CCDC3: variants seen among roughly 807,000 people sequenced by gnomAD.
The protein encoded by CCDC3 is coiled-coil domain containing 3.
In CCDC3, 24 loss-of-function variants were observed where a neutral mutation model predicts 21.4. The ratio of observed to expected loss-of-function variants is 1.12; its 90% CI spans 0.81 to 1.58. The LOEUF (loss-of-function observed/expected upper bound fraction) is 1.58. Among genes scored for constraint, CCDC3 ranks in the 40% most tolerant of loss-of-function variants. The probability of loss-of-function intolerance (pLI) is 0.00; values close to 1 mark genes in which losing one functional copy is unlikely to be tolerated. For synonymous variants in CCDC3, 186 were observed against 166.0 expected (o/e 1.12, Z -0.93); for missense variants, 425 against 360.9 (o/e 1.18, Z -1.44).
intron 3 of CCDC3, among the ~76,000 whole-genome samples, chr10:13,090,067 A>ACCGTTTCTTTCTTTT (rs1372347475): frequency 2.1e-5 from 1 of 47,760 alleles, no homozygotes; most frequent in Non-Finnish European, 4.3e-5. Flanking sequence ...ATATATATAT[A>ACCGTTTCTTTCTTTT]TATATATATA....
intron 2 of CCDC3, among the ~76,000 whole-genome samples, chr10:12,919,360 C>T (rs909016653): frequency 6.6e-6 from 1 of 152,090 alleles, no homozygotes; most frequent in Admixed American, 6.5e-5. Context: ...GAGGCTGAGG[C>T]CGGCGGATCA....
upstream of CCDC3, among the ~76,000 whole-genome samples, chr10:13,002,182 G>T (rs1305703251): frequency 1.3e-5 from 2 of 152,136 alleles, no homozygotes; most frequent in African/African-American, 4.8e-5. Flanking sequence ...TCTTAGAAAA[G>T]CTTTGATAAA....
chr10:12,967,991 A>T (rs1835286126), intron 2 of CCDC3, among the ~76,000 whole-genome samples: 1 of 152,152 alleles, frequency 6.6e-6, no homozygotes, highest in Non-Finnish European at 1.5e-5. Flanking sequence ...CAACATGGTG[A>T]AACCCAGTCC....
intron 5 of CCDC3, among the ~76,000 whole-genome samples, chr10:13,041,650 G>A (rs1361881204): frequency 2.7e-5 from 4 of 150,380 alleles, no homozygotes; most frequent in Non-Finnish European, 4.4e-5. Context: ...TCAGTCTCCC[G>A]AGTAGCTGGG....
At chr10:13,026,944 A>G (rs1056086311) in intron 5 of CCDC3, among the ~76,000 whole-genome samples, 6 of 152,134 alleles carry the variant, frequency 3.9e-5, no homozygotes, top group Non-Finnish European at 8.8e-5. Context: ...CAGATCCGTC[A>G]TTTTACCAGA....
chr10:12,935,057 C>G (rs752046253), intron 2 of CCDC3, among the ~76,000 whole-genome samples: 6 of 151,940 alleles, frequency 3.9e-5, no homozygotes, highest in Non-Finnish European at 7.4e-5. Flanking sequence ...CACTACCAAA[C>G]CTGGCTTTTT....
chr10:13,037,626 G>C (rs1836394496), intron 5 of CCDC3, among the ~76,000 whole-genome samples: 1 of 152,134 alleles, frequency 6.6e-6, no homozygotes, highest in South Asian at 2.1e-4. Flanking sequence ...GAATTTGGCT[G>C]CAAATTCATC....
chr10:12,973,215 G>A (rs1835368826), intron 2 of CCDC3, among the ~76,000 whole-genome samples: 1 of 152,142 alleles, frequency 6.6e-6, no homozygotes, highest in Non-Finnish European at 1.5e-5. Flanking sequence ...ACAGGGGAAG[G>A]GAGTCACAAT....
chr10:13,055,889 T>C (rs1401911202), intron 4 of CCDC3, among the ~76,000 whole-genome samples: 5 of 152,202 alleles, frequency 3.3e-5, no homozygotes, highest in Non-Finnish European at 5.9e-5. Context: ...CTTTGCCTGC[T>C]AAAACAATTG....
chr10:12,912,825 G>A (rs577469773), intron 2 of CCDC3, among the ~76,000 whole-genome samples: 14 of 152,216 alleles, frequency 9.2e-5, no homozygotes, highest in East Asian at 5.8e-4. Context: ...TTCTCTGCAC[G>A]TAGATACTCA....
intron 5 of CCDC3, among the ~76,000 whole-genome samples, chr10:13,048,120 C>G (rs1051909136): frequency 1.3e-5 from 2 of 152,124 alleles, no homozygotes; most frequent in Non-Finnish European, 2.9e-5. Flanking sequence ...ATCTTAGGAA[C>G]AAAAGAAAAG....
chr10:12,933,152 G>T (rs1026038435), intron 2 of CCDC3, among the ~76,000 whole-genome samples: 2 of 152,100 alleles, frequency 1.3e-5, no homozygotes, highest in African/African-American at 4.8e-5. Flanking sequence ...AGGTAGTAGG[G>T]GAGTGCTGGC....
At chr10:13,029,462 A>C (rs1372054124) in intron 5 of CCDC3, among the ~76,000 whole-genome samples, 2 of 152,200 alleles carry the variant, frequency 1.3e-5, no homozygotes, top group African/African-American at 2.4e-5. Flanking sequence ...ATCGCCAACA[A>C]TGGAACAAAG....
intron 2 of CCDC3, among the ~76,000 whole-genome samples, chr10:12,911,624 T>C (rs1834272138): frequency 6.6e-6 from 1 of 152,256 alleles, no homozygotes; most frequent in Non-Finnish European, 1.5e-5. Context: ...TACACTGACA[T>C]GGCTAATTAA....
At chr10:13,040,326 AGCCCAAGATAG>A (rs1197289043) in intron 5 of CCDC3, among the ~76,000 whole-genome samples, 3 of 152,234 alleles carry the variant, frequency 2.0e-5, no homozygotes, top group Non-Finnish European at 2.9e-5. Context: ...CACGTTTGCC[AGCCCAAGATAG>A]GCTGTGACAA....
At chr10:12,933,960 ATTAC>A (rs1317071882) in intron 2 of CCDC3, among the ~76,000 whole-genome samples, 3 of 149,802 alleles carry the variant, frequency 2.0e-5, no homozygotes, top group African/African-American at 7.4e-5. Context: ...AATTTTTATT[ATTAC>A]TTTTCTTTTG....
At chr10:12,915,902 T>C (rs1757078) in intron 2 of CCDC3, among the ~76,000 whole-genome samples, 124,890 of 152,048 alleles carry the variant, frequency 0.82, 51,924 homozygotes, top group East Asian at 1. Context: ...AGACCATGGG[T>C]GCTGACCTGG....
chr10:12,943,039 G>T (rs1834858156), intron 2 of CCDC3, among the ~76,000 whole-genome samples: 1 of 152,090 alleles, frequency 6.6e-6, no homozygotes, highest in African/African-American at 2.4e-5. Context: ...GTACGTATGT[G>T]TGATTTTTTT....
At chr10:12,922,918 C>T (rs535984763) in intron 2 of CCDC3, among the ~76,000 whole-genome samples, 2 of 152,324 alleles carry the variant, frequency 1.3e-5, no homozygotes, top group East Asian at 3.9e-4. Context: ...AAAACATACT[C>T]TTATTCTGAC....
Sources: allele counts gnomAD v4.1 joint callset (sites outside exome capture counted in the v4.1 genomes callset), GRCh38; gene constraint gnomAD v4.1.1; transcripts MANE v1.5; gene names NCBI Gene and HGNC (gene_info 2026-07-23, HGNC 2026-07-21).